The following MAGI3 variants were observed in gnomAD, a reference collection of about 807,000 sequenced individuals.
MAGI3 encodes membrane associated guanylate kinase, WW and PDZ domain containing 3.
In MAGI3, 43 loss-of-function variants were observed where a neutral mutation model predicts 121.8. That is an observed-to-expected ratio of 0.35 (90% CI 0.28 to 0.46). The LOEUF is 0.46. Among genes scored for constraint, MAGI3 ranks in the 20% least tolerant of loss-of-function variants. The probability of loss-of-function intolerance (pLI) is 1.00; values close to 1 mark genes in which losing one functional copy is unlikely to be tolerated. For missense variants in MAGI3, 1,547 were observed against 1,797.3 expected, an observed-to-expected ratio of 0.86 and a Z score of 2.52; for synonymous variants, 553 against 639.3, an observed-to-expected ratio of 0.86 and a Z score of 2.04.
intron 6 of MAGI3, among the ~76,000 whole-genome samples, chr1:113,606,255 C>A (rs1649767485): frequency 6.6e-6 from 1 of 152,128 alleles, no homozygotes; most frequent in Non-Finnish European, 1.5e-5. Flanking sequence ...GTGTGAGCCA[C>A]CATGCCCAGC....
Position 113,432,222 on chromosome 1 carries a change from G to T in MAGI3, c.316+40873G>T, listed in dbSNP as rs959858928. Among the ~76,000 whole-genome samples the T allele has an allele frequency of 3.3e-5, 5 of 152,124 alleles. No homozygotes were observed. The East Asian group carries it at 9.6e-4, about 29-fold the overall frequency. On this transcript the variant is annotated intron_variant, in intron 1 of 20. Transcript: ENST00000307546. ...GCAAATTAAAGGCTTAATAAAAATA[G>T]CCAACACTTATGTTGTACATATCAT...
At chr1:113,398,187 C>G (rs924115471) in intron 1 of MAGI3, among the ~76,000 whole-genome samples, 1 of 152,092 alleles carries the variant, frequency 6.6e-6, no homozygotes, top group Non-Finnish European at 1.5e-5. Flanking sequence ...TGACTTATGA[C>G]ATATCTAAAT....
chr1:113,433,832 C>A (rs1306563008), intron 1 of MAGI3, among the ~76,000 whole-genome samples: 1 of 151,882 alleles, frequency 6.6e-6, no homozygotes, highest in Non-Finnish European at 1.5e-5. Context: ...CTTATTATGC[C>A]CCGTTAAAAA....
chr1:113,413,269 T>C (rs1310502503), intron 1 of MAGI3, among the ~76,000 whole-genome samples: 1 of 152,238 alleles, frequency 6.6e-6, no homozygotes, highest in Non-Finnish European at 1.5e-5. Context: ...CATGCTGTTT[T>C]GGTCACCGTA....
chr1:113,416,307 T>C (rs1177911157), intron 1 of MAGI3, among the ~76,000 whole-genome samples: 2 of 129,808 alleles, frequency 1.5e-5, no homozygotes, highest in African/African-American at 3.0e-5. Context: ...ATTAATTATG[T>C]AATTAATTAT....
At chr1:113,602,477 A>G (rs1481991604) in intron 6 of MAGI3, among the ~76,000 whole-genome samples, 1 of 152,242 alleles carries the variant, frequency 6.6e-6, no homozygotes. Context: ...CTGAGAAGAA[A>G]GTTTATAGCA....
chr1:113,649,380 T>C (rs1436748278), intron 13 of MAGI3, 52 bp downstream of exon 13: 3 of 1,260,890 alleles, frequency 2.4e-6, no homozygotes, highest in Non-Finnish European at 3.4e-6. Flanking sequence ...ACGTTTTGAG[T>C]GGTGATTTGG....
At chr1:113,519,036 G>A (rs903338463) in intron 1 of MAGI3, among the ~76,000 whole-genome samples, 2 of 152,110 alleles carry the variant, frequency 1.3e-5, no homozygotes, top group Non-Finnish European at 2.9e-5. Context: ...GGAAATAAAA[G>A]GGGGTACTGA....
intron 1 of MAGI3, among the ~76,000 whole-genome samples, chr1:113,409,723 T>C (rs187607564): frequency 3.2e-4 from 48 of 152,258 alleles, no homozygotes; most frequent in South Asian, 8.3e-4. Context: ...CCTGACTGTC[T>C]AGTCTCAGCA....
At chr1:113,594,769 A>G (rs1304242983) in intron 6 of MAGI3, among the ~76,000 whole-genome samples, 4 of 152,210 alleles carry the variant, frequency 2.6e-5, no homozygotes, top group African/African-American at 9.6e-5. Flanking sequence ...TCAGGATTAC[A>G]TAACTCTCTA....
intron 1 of MAGI3, among the ~76,000 whole-genome samples, chr1:113,440,231 A>G (rs1301855907): frequency 1.3e-5 from 2 of 152,206 alleles, no homozygotes; most frequent in Non-Finnish European, 2.9e-5. Flanking sequence ...TTATCTGATC[A>G]ACAGATAAGT....
intron 3 of MAGI3, among the ~76,000 whole-genome samples, chr1:113,582,918 A>G (rs1648128088): frequency 6.6e-6 from 1 of 151,716 alleles, no homozygotes; most frequent in Non-Finnish European, 1.5e-5. Flanking sequence ...CTGATACTAC[A>G]GTCTGTAATT....
At chr1:113,579,825 G>T (rs545643292) in intron 2 of MAGI3, among the ~76,000 whole-genome samples, 1 of 152,076 alleles carries the variant, frequency 6.6e-6, no homozygotes, top group Non-Finnish European at 1.5e-5. Flanking sequence ...CTGAATAGGG[G>T]CCTAAGTGGA....
intron 1 of MAGI3, among the ~76,000 whole-genome samples, chr1:113,491,954 A>T (rs1656690672): frequency 1.3e-5 from 2 of 152,130 alleles, no homozygotes; most frequent in Admixed American, 1.3e-4. Flanking sequence ...AGAAGAGTTG[A>T]TACCATTCCT....
rs1650348450 is a variant in MAGI3, at chr1:113,614,628, A to T, written c.1046A>T (p.Glu349Val). ...CTTCCTTATGGCTGGGAGAAAATAGAGGACCCTCAGTATGGGACATACTAT... is the reference window on the plus strand; with the variant it reads ...CTTCCTTATGGCTGGGAGAAAATAGTGGACCCTCAGTATGGGACATACTAT... ...GELPYGWEKI[E>V]DPQYGTYYVD... Residue 349 changes from glutamate (E) to valine (V), a missense_variant, in exon 7 of 21, where the codon GAG becomes GTG. By Grantham distance (121) the Glu-to-Val change is moderately radical. Coordinates refer to ENST00000307546, the MANE Select transcript of MAGI3 (RefSeq NM_001142782.2). 6.2e-7 allele frequency: 1 copy of T among 1,609,336 alleles called. No individual in the cohort carries two copies. The highest frequency in any genetic ancestry group is 8.5e-7 in the Non-Finnish European group (1 of 1,177,294).
intron 1 of MAGI3, among the ~76,000 whole-genome samples, chr1:113,486,303 A>G (rs1241674054): frequency 6.6e-6 from 1 of 152,148 alleles, no homozygotes; most frequent in Non-Finnish European, 1.5e-5. Context: ...TTTTGGCCGT[A>G]TGGTCATTTT....
intron 1 of MAGI3, among the ~76,000 whole-genome samples, chr1:113,488,482 G>T (rs551240751): frequency 6.6e-6 from 1 of 152,162 alleles, no homozygotes; most frequent in African/African-American, 2.4e-5. Flanking sequence ...GCCCTGGGGG[G>T]CCTGCATTAT....
intron 1 of MAGI3, among the ~76,000 whole-genome samples, chr1:113,430,553 A>G (rs931780649): frequency 6.6e-6 from 1 of 152,338 alleles, no homozygotes; most frequent in East Asian, 1.9e-4. Context: ...GGTATAACTC[A>G]TGATGCATGA....
At position 113,642,358 on chromosome 1, in the gene MAGI3, T is replaced by C; in HGVS notation, c.1808T>C (p.Met603Thr). 1 of 1,614,050 alleles carries C rather than the reference T, an allele frequency of 6.2e-7. No homozygotes were observed. The highest frequency in any genetic ancestry group is 8.5e-7 in the Non-Finnish European group (1 of 1,180,002). ...AGCCCTACTGGACAGAAGGTGAAAA[T>C]GATACTGGATAGTCAGTGGTGTCAA... Reference protein sequence around the residue: ...ADSPTGQKVKMILDSQWCQGL... With the variant: ...ADSPTGQKVKTILDSQWCQGL... Residue 603 changes from methionine (M) to threonine (T), a missense_variant, in exon 10 of 21, where the codon ATG becomes ACG. Physicochemically the swap from Met to Thr is moderately conservative, Grantham distance 81. Coordinates refer to ENST00000307546, the MANE Select transcript of MAGI3 (RefSeq NM_001142782.2).
Sources: allele counts gnomAD v4.1 joint callset (sites outside exome capture counted in the v4.1 genomes callset), GRCh38; gene constraint gnomAD v4.1.1; transcripts MANE v1.5; gene names NCBI Gene and HGNC (gene_info 2026-07-23, HGNC 2026-07-21).